The following ARHGAP40 variants were observed in gnomAD, a reference collection of about 807,000 sequenced individuals.
ARHGAP40 encodes rho GTPase-activating protein 40.
Under a neutral mutation model 73.5 loss-of-function variants are expected in ARHGAP40, and 43 were observed. The ratio of observed to expected loss-of-function variants is 0.58; its 90% CI spans 0.46 to 0.75. The LOEUF is 0.75. ARHGAP40 is among the 30% of genes least tolerant of loss of function. The pLI is 0.00. For synonymous variants in ARHGAP40, 300 were observed against 352.8 expected (o/e 0.85, Z 1.68); for missense variants, 734 against 861.8 (o/e 0.85, Z 1.86).
chr20:38,634,622 G>T, exon 6 of ARHGAP40: 1 of 1,305,428 alleles, frequency 7.7e-7, no homozygotes, highest in African/African-American at 1.5e-5. Flanking sequence ...ATTAATAGAA[G>T]TTTACCGTCC....
At chr20:38,627,982 G>A (rs1568607863) in intron 3 of ARHGAP40, among the ~76,000 whole-genome samples, 1 of 152,200 alleles carries the variant, frequency 6.6e-6, no homozygotes, top group Non-Finnish European at 1.5e-5. Flanking sequence ...CAACACTATG[G>A]AGGCAGCAGT....
At chr20:38,647,379 GGTTTGTTT>G (rs952400098) in intron 13 of ARHGAP40, among the ~76,000 whole-genome samples, 7 of 36,000 alleles carry the variant, frequency 1.9e-4, no homozygotes, top group South Asian at 1.2e-3. Flanking sequence ...TTTTTCTGTT[GGTTTGTTT>G]GTTTGTTTGT....
chr20:38,618,122 C>T (rs1026319234), intron 1 of ARHGAP40, among the ~76,000 whole-genome samples: 15 of 149,528 alleles, frequency 1.0e-4, no homozygotes, highest in Admixed American at 2.0e-4. Flanking sequence ...TTTTCTGAGA[C>T]GGAGTCTCAC....
rs1171305304 is a variant in ARHGAP40, at chr20:38,646,832, G to T, written c.1711-125G>T. On this transcript the variant is annotated intron_variant, in intron 12 of 14. Coordinates refer to ENST00000373345, the Ensembl canonical transcript of ARHGAP40. The surrounding 1 kb of genome is among the most constrained non-coding windows in gnomAD (Gnocchi z 4.5). Reference sequence around the variant, plus strand: ...CCAAGTGTCCGGTATGCGTGTGTGTGTATCTTGTGATTTTCAGCGTGGGCA... The same window carrying T: ...CCAAGTGTCCGGTATGCGTGTGTGTTTATCTTGTGATTTTCAGCGTGGGCA... The T allele has an allele frequency of 2.4e-6, 2 of 834,668 alleles. No individual in the cohort carries two copies. The highest frequency in any genetic ancestry group is 3.1e-5 in the Admixed American group (1 of 32,780). 51.7% of individuals were successfully genotyped at this position (834,668 alleles called of 1,614,324 possible). A position where few individuals can be genotyped will look rare whatever the true frequency, so the allele number is the denominator to read the frequency against.
intron 5 of ARHGAP40, among the ~76,000 whole-genome samples, chr20:38,632,173 A>T (rs1156935517): frequency 6.6e-6 from 1 of 152,082 alleles, no homozygotes; most frequent in African/African-American, 2.4e-5. Context: ...CATGTTGGCC[A>T]GGCTGGTCTC....
intron 14 of ARHGAP40, among the ~76,000 whole-genome samples, chr20:38,649,345 AG>A (rs2089073166): frequency 6.6e-6 from 1 of 152,200 alleles, no homozygotes; most frequent in Admixed American, 6.5e-5. Flanking sequence ...CGATGCATTG[AG>A]GGGGTGCCCC....
At chr20:38,604,805 TC>T (rs1464981885) in intron 1 of ARHGAP40, among the ~76,000 whole-genome samples, 1 of 152,204 alleles carries the variant, frequency 6.6e-6, no homozygotes, top group Non-Finnish European at 1.5e-5. Context: ...CACTCAGGTA[TC>T]CCAAATGTTT....
chr20:38,602,351 G>T (rs908433152), intron 1 of ARHGAP40, among the ~76,000 whole-genome samples: 1 of 152,150 alleles, frequency 6.6e-6, no homozygotes, highest in Non-Finnish European at 1.5e-5. Context: ...CTGATTTTCA[G>T]ATTCTTAGAG....
Position 38,601,929 on chromosome 20 carries a change from C to A in ARHGAP40, c.-14C>A. ...CAGCACCACGACCGACCGGGATCCT[C>A]GAGGTGCCAGCCCATGGCCGAGCCT... is the stretch of plus-strand genomic sequence containing the variant. On this transcript the variant is annotated 5_prime_UTR_variant, in exon 1 of 15. It introduces an in-frame stop codon into an upstream open reading frame of the 5' UTR. Transcript: ENST00000373345. 1 of 1,287,700 alleles carries A rather than the reference C, an allele frequency of 7.8e-7. No homozygotes were observed. Among genetic ancestry groups the A allele is most frequent in the Non-Finnish European group, 1.0e-6 (1 of 988,696 alleles). 79.8% of individuals were successfully genotyped at this position (1,287,700 alleles called of 1,614,324 possible). A position where few individuals can be genotyped will look rare whatever the true frequency, so the allele number is the denominator to read the frequency against.
chr20:38,634,615 A>G lies in ARHGAP40; in HGVS notation c.784-5A>G. 1 of 1,305,338 alleles carries G rather than the reference A, an allele frequency of 7.7e-7. No individual in the cohort carries two copies. The highest frequency in any genetic ancestry group is 1.2e-5 in the South Asian group (1 of 81,022). The allele number at this position is 1,305,338 out of a possible 1,614,324, so 80.9% of individuals were successfully genotyped here. ...AATTGTCTTTACTTCCCTCTCTATT[A>G]ATAGAAGTTTACCGTCCCCAAAGGC... On this transcript the variant is annotated splice_region_variant and splice_polypyrimidine_tract_variant and intron_variant, in intron 5 of 14. Transcript: ENST00000373345.
intron 1 of ARHGAP40, among the ~76,000 whole-genome samples, chr20:38,607,794 T>TA (rs2088780387): frequency 6.6e-6 from 1 of 152,236 alleles, no homozygotes; most frequent in Non-Finnish European, 1.5e-5. Context: ...GCCAATCTGA[T>TA]AGAGTTCATC....
intron 1 of ARHGAP40, chr20:38,615,446 C>T (rs2088830244): frequency 1.4e-6 from 1 of 708,210 alleles, no homozygotes; most frequent in South Asian, 1.5e-5. Flanking sequence ...AGCTCCTTCT[C>T]AGCCAGGAAC....
At chr20:38,629,538 G>T (rs1167658748) in exon 5 of ARHGAP40, 4 of 1,305,440 alleles carry the variant, frequency 3.1e-6, no homozygotes, top group Non-Finnish European at 4.0e-6. Flanking sequence ...CAGGCTGGGA[G>T]GGAAGAAGCC....
At chr20:38,636,476 C>T (rs375648433) in intron 6 of ARHGAP40, among the ~76,000 whole-genome samples, 25 of 151,862 alleles carry the variant, frequency 1.6e-4, no homozygotes, top group African/African-American at 4.8e-4. Flanking sequence ...TTGCCCAGAC[C>T]GGTCTCGAAC....
At chr20:38,637,111 C>T (rs983748797) in intron 6 of ARHGAP40, among the ~76,000 whole-genome samples, 3 of 151,888 alleles carry the variant, frequency 2.0e-5, no homozygotes, top group Non-Finnish European at 4.4e-5. Flanking sequence ...TACCTGGTGC[C>T]TTCTGGAGCA....
At chr20:38,626,093 C>T (rs1004477697) in intron 2 of ARHGAP40, among the ~76,000 whole-genome samples, 1 of 152,200 alleles carries the variant, frequency 6.6e-6, no homozygotes, top group African/African-American at 2.4e-5. Context: ...TTGCAACTGC[C>T]CTGGAGGCAT....
At chr20:38,644,044 C>T in intron 11 of ARHGAP40, 134 bp downstream of exon 11, 1 of 730,958 alleles carries the variant, frequency 1.4e-6, no homozygotes, top group Non-Finnish European at 1.9e-6. Context: ...TCTGCACAGG[C>T]CTGTGTTTTC....
chr20:38,616,454 G>A (rs1029259865), intron 1 of ARHGAP40, among the ~76,000 whole-genome samples: 6 of 152,212 alleles, frequency 3.9e-5, no homozygotes, highest in Non-Finnish European at 7.3e-5. Context: ...CATCTGGGCT[G>A]GTGGTATTCC....
chr20:38,639,241 A>G (rs760644525), exon 9 of ARHGAP40: 1 of 1,305,462 alleles, frequency 7.7e-7, no homozygotes, highest in South Asian at 1.2e-5. Context: ...TGGAACAGAA[A>G]CTGGAGAGAG....
Sources: allele counts gnomAD v4.1 joint callset (sites outside exome capture counted in the v4.1 genomes callset), GRCh38; gene constraint gnomAD v4.1.1; non-coding constraint Gnocchi (gnomAD v3.1); transcripts MANE v1.5; gene names NCBI Gene and HGNC (gene_info 2026-07-23, HGNC 2026-07-21).